CCDC81: variants seen among roughly 807,000 people sequenced by gnomAD.
CCDC81 encodes coiled-coil domain containing 81, also known as coiled-coil domain-containing protein 81.
A neutral mutation model predicts 83.7 loss-of-function variants in CCDC81; 79 were observed. That is an observed-to-expected ratio of 0.94 (90% CI 0.79 to 1.14). CCDC81 has a LOEUF of 1.14. CCDC81 is among the 50% of genes most tolerant of loss of function. The pLI is 0.00. For synonymous variants in CCDC81, 252 were observed against 278.1 expected (o/e 0.91, Z 0.93); for missense variants, 791 against 778.1 (o/e 1.02, Z -0.20).
chr11:86,408,422 T>C, intron 9 of CCDC81, 152 bp downstream of exon 9: 1 of 636,920 alleles, frequency 1.6e-6, no homozygotes, highest in South Asian at 3.6e-5. Flanking sequence ...AGCCTTGACC[T>C]ACTTGGGCTC....
chr11:86,400,669 A>G lies in CCDC81; in HGVS notation c.758-9A>G. 1.3e-6 allele frequency: 2 copies of G among 1,594,108 alleles called. No individual in the cohort carries two copies. The highest frequency in any genetic ancestry group is 1.7e-6 in the Non-Finnish European group (2 of 1,164,796). Reference sequence around the variant, plus strand: ...GGAGACTCGTTTTCATTCATTCTTTATTCTACAGATATCTCATCACCCAAA... The same window carrying G: ...GGAGACTCGTTTTCATTCATTCTTTGTTCTACAGATATCTCATCACCCAAA... On this transcript the variant is annotated splice_polypyrimidine_tract_variant and intron_variant, in intron 6 of 14. Coordinates refer to ENST00000445632, the MANE Select transcript of CCDC81 (RefSeq NM_001156474.2).
At chr11:86,397,545 C>G in intron 5 of CCDC81, 76 bp from the exon 6 acceptor site, 1 of 1,520,324 alleles carries the variant, frequency 6.6e-7, no homozygotes, top group East Asian at 2.3e-5. Context: ...GGCTGGGTTG[C>G]TTCCAAAACT....
intron 14 of CCDC81, 70 bp downstream of exon 14, chr11:86,420,123 C>A (rs1948771214): frequency 6.4e-7 from 1 of 1,559,068 alleles, no homozygotes; most frequent in South Asian, 1.2e-5. Flanking sequence ...AAGTGGAACT[C>A]CACTTGATTA....
chr11:86,398,421 T>C (rs1024844221), intron 6 of CCDC81, among the ~76,000 whole-genome samples: 1 of 152,244 alleles, frequency 6.6e-6, no homozygotes, highest in Non-Finnish European at 1.5e-5. Context: ...TTTATCACTT[T>C]GATGTCTGTA....
At chr11:86,407,550 AATT>A in intron 7 of CCDC81, 61 bp from the exon 8 acceptor site, 1 of 1,114,172 alleles carries the variant, frequency 9.0e-7, no homozygotes, top group Admixed American at 1.9e-5. Flanking sequence ...TTGCCTCTAA[AATT>A]ATTATTGCCC....
At chr11:86,421,892 CAG>C (rs1948796015) in intron 14 of CCDC81, among the ~76,000 whole-genome samples, 1 of 139,466 alleles carries the variant, frequency 7.2e-6, no homozygotes, top group South Asian at 2.2e-4. Context: ...AGGCTGGTGA[CAG>C]AGGGAGACCT....
chr11:86,377,398 T>C (rs370981581), intron 1 of CCDC81, among the ~76,000 whole-genome samples: 17 of 152,342 alleles, frequency 1.1e-4, no homozygotes, highest in Admixed American at 4.6e-4. Context: ...AAAGGGGCTG[T>C]ACTATGTTGC....
At chr11:86,383,768 G>T (rs1948204144) in intron 1 of CCDC81, among the ~76,000 whole-genome samples, 1 of 152,200 alleles carries the variant, frequency 6.6e-6, no homozygotes, top group Non-Finnish European at 1.5e-5. Flanking sequence ...AGAAATTACA[G>T]TCTGTAAGCT....
At chr11:86,404,797 G>A (rs766167334) in intron 7 of CCDC81, among the ~76,000 whole-genome samples, 13 of 152,204 alleles carry the variant, frequency 8.5e-5, no homozygotes, top group Non-Finnish European at 1.2e-4. Context: ...GTAAGGGAGT[G>A]TAGACTTATA....
intron 11 of CCDC81, 102 bp downstream of exon 11, chr11:86,412,661 C>G: frequency 9.5e-7 from 1 of 1,048,340 alleles, no homozygotes; most frequent in Non-Finnish European, 1.4e-6. Flanking sequence ...CATTAGCACA[C>G]TGTAACCAAC....
intron 4 of CCDC81, among the ~76,000 whole-genome samples, 188 bp downstream of exon 4, chr11:86,392,985 T>G (rs1236740201): frequency 6.6e-6 from 1 of 152,238 alleles, no homozygotes; most frequent in Non-Finnish European, 1.5e-5. Context: ...AAAGGAACAT[T>G]AAGAATCAAA....
Position 86,374,963 on chromosome 11 carries a change from C to A in CCDC81, c.-201C>A. The A allele has an allele frequency of 1.8e-6, 1 of 568,994 alleles. No individual in the cohort carries two copies. The allele number at this position is 568,994 out of a possible 1,614,324, so 35.2% of individuals were successfully genotyped here. On this transcript the variant is annotated 5_prime_UTR_variant, in exon 1 of 15. Coordinates refer to ENST00000445632, the MANE Select transcript of CCDC81 (RefSeq NM_001156474.2). ...GAGCCAGAGCAGTGGGGAGGGACGG[C>A]GAGAACCAATGTTTAAGTTTATTTA...
chr11:86,399,969 A>AC (rs200372297), intron 6 of CCDC81, among the ~76,000 whole-genome samples: 154 of 84,282 alleles, frequency 1.8e-3, no homozygotes, highest in Non-Finnish European at 3.5e-3. Context: ...CTACTACTAC[A>AC]AAAAAAAAAA....
At chr11:86,375,701 A>G (rs1948090212) in intron 1 of CCDC81, among the ~76,000 whole-genome samples, 1 of 152,176 alleles carries the variant, frequency 6.6e-6, no homozygotes, top group South Asian at 2.1e-4. Context: ...GCTACAGGGT[A>G]AGTACTTTGG....
chr11:86,395,203 T>G (rs1948387518), intron 4 of CCDC81, 131 bp from the exon 5 acceptor site: 1 of 624,916 alleles, frequency 1.6e-6, no homozygotes, highest in South Asian at 2.2e-5. Context: ...AGCTCTGGAC[T>G]TATAAGCGCT....
chr11:86,391,007 AC>A (rs1484093892), intron 3 of CCDC81, among the ~76,000 whole-genome samples: 1 of 152,148 alleles, frequency 6.6e-6, no homozygotes. Context: ...AAATAAACAA[AC>A]CTCAGTATCT....
intron 7 of CCDC81, among the ~76,000 whole-genome samples, chr11:86,403,401 A>AT (rs1314335966): frequency 6.6e-6 from 1 of 152,150 alleles, no homozygotes; most frequent in East Asian, 1.9e-4. Context: ...AGTTTAAAAT[A>AT]TATCTTTTCT....
Position 86,407,643 on chromosome 11 carries a change from A to T in CCDC81, c.911A>T (p.Asp304Val). ...SLSYPSCLKH[D>V]SEMKPQTSPA... ...TCATATCCAAGTTGTCTGAAACACG[A>T]CAGTGAGATGAAGCCCCAAACATCT... Residue 304 changes from aspartate (D) to valine (V), a missense_variant, in exon 8 of 15, where the codon GAC becomes GTC. Physicochemically the swap from Asp to Val is radical, Grantham distance 152 (BLOSUM62 -3). Coordinates refer to ENST00000445632, the MANE Select transcript of CCDC81 (RefSeq NM_001156474.2). The T allele has an allele frequency of 1.2e-6, 2 of 1,613,638 alleles. No individual in the cohort carries two copies. Among genetic ancestry groups the T allele is most frequent in the Non-Finnish European group, 1.7e-6 (2 of 1,179,686 alleles).
At chr11:86,392,198 G>A (rs1334755045) in intron 3 of CCDC81, among the ~76,000 whole-genome samples, 1 of 152,102 alleles carries the variant, frequency 6.6e-6, no homozygotes, top group African/African-American at 2.4e-5. Flanking sequence ...AAGATAAGGG[G>A]GATGAAAACT....
Sources: gnomAD v4.1 joint callset for allele counts (sites outside exome capture counted in the v4.1 genomes callset) on GRCh38, gnomAD v4.1.1 for gene constraint, MANE v1.5 for transcripts, NCBI Gene and HGNC (gene_info 2026-07-23, HGNC 2026-07-21) for gene names.